IMPG1: variants seen among roughly 807,000 people sequenced by gnomAD.
IMPG1 encodes the protein interphotoreceptor matrix proteoglycan 1, also known as interphotoreceptor matrix proteoglycan of 150 kDa.
A neutral mutation model predicts 92.0 loss-of-function variants in IMPG1; 85 were observed. The ratio of observed to expected loss-of-function variants is 0.92; its 90% CI spans 0.78 to 1.11. IMPG1 has a LOEUF of 1.11. Among genes scored for constraint, IMPG1 ranks in the 50% least tolerant of loss-of-function variants. The pLI, the probability that IMPG1 is intolerant of heterozygous loss-of-function variation, is 0.00. For missense variants in IMPG1, 1,022 were observed against 956.0 expected (o/e 1.07, Z -0.91); for synonymous variants, 367 against 334.1 (o/e 1.10, Z -1.08).
chr6:76,034,486 T>G, intron 3 of IMPG1, 135 bp downstream of exon 3: 2 of 1,217,402 alleles, frequency 1.6e-6, no homozygotes, highest in Non-Finnish European at 2.4e-6. Context: ...AAATTTCTAT[T>G]GGCCTAATCA....
intron 12 of IMPG1, among the ~76,000 whole-genome samples, chr6:75,979,885 G>C (rs776196737): frequency 3.9e-5 from 6 of 152,194 alleles, no homozygotes; most frequent in African/African-American, 7.2e-5. Context: ...AGGCCTTTGT[G>C]AGGCTAATGC....
At chr6:75,949,233 G>A (rs1370562806) in intron 13 of IMPG1, among the ~76,000 whole-genome samples, 1 of 152,162 alleles carries the variant, frequency 6.6e-6, no homozygotes, top group Non-Finnish European at 1.5e-5. Flanking sequence ...TAAGTCACAG[G>A]ATGAGAAAGG....
At chr6:75,950,427 G>A (rs776498031) in intron 13 of IMPG1, 135 bp downstream of exon 13, 102 of 728,006 alleles carry the variant, frequency 1.4e-4, no homozygotes, top group Non-Finnish European at 2.1e-4. Flanking sequence ...CTAGTTGAAT[G>A]TCTTCAGCAA....
At chr6:76,017,093 C>T (rs1463083948) in intron 7 of IMPG1, among the ~76,000 whole-genome samples, 3 of 149,578 alleles carry the variant, frequency 2.0e-5, no homozygotes, top group African/African-American at 7.4e-5. Context: ...GCAGACAGCA[C>T]ATGTAAAGGC....
intron 12 of IMPG1, among the ~76,000 whole-genome samples, chr6:75,955,347 T>A (rs1386322236): frequency 6.6e-6 from 1 of 152,208 alleles, no homozygotes; most frequent in Non-Finnish European, 1.5e-5. Flanking sequence ...TAAATTGTAT[T>A]CCTAGGTATT....
At chr6:75,925,874 C>T (rs554429962) in intron 15 of IMPG1, among the ~76,000 whole-genome samples, 28 of 152,254 alleles carry the variant, frequency 1.8e-4, no homozygotes, top group Admixed American at 1.0e-3. Flanking sequence ...CCATGTTGGC[C>T]AGGATGGTCT....
intron 12 of IMPG1, among the ~76,000 whole-genome samples, chr6:75,960,996 G>A (rs1008755938): frequency 1.3e-5 from 2 of 152,144 alleles, no homozygotes; most frequent in Non-Finnish European, 2.9e-5. Flanking sequence ...CTGTCCAAAG[G>A]CAAGGCCACA....
intron 12 of IMPG1, among the ~76,000 whole-genome samples, chr6:75,976,640 G>A (rs542593353): frequency 3.9e-5 from 6 of 152,236 alleles, no homozygotes; most frequent in African/African-American, 9.6e-5. Flanking sequence ...GGCCAGGTGC[G>A]GTGTCTCATG....
rs200194885 is a variant in IMPG1 at position 76,034,757 on chromosome 6, C to G, written c.332G>C (p.Arg111Pro). 1.2e-6 allele frequency: 2 copies of G among 1,614,036 alleles called. No individual in the cohort carries two copies. The highest frequency in any genetic ancestry group is 2.2e-5 in the South Asian group (2 of 91,078). The change falls in exon 3 of 17, where the codon CGG becomes CCG. Residue 111 changes from arginine to proline, a missense_variant. Around this residue, in one of 3 missense-constraint regions of IMPG1, gnomAD observed 681 missense variants for 583.6 expected, o/e 1.17. Coordinates refer to ENST00000369950, the MANE Select transcript of IMPG1 (RefSeq NM_001563.4). ...VCQEAVWEAY[R>P]IFLDRIPDTG... ...GTCAGGGATGCGATCCAGAAAGATC[C>G]GATATGCTTCCCATACTGCTTCCTG...
intron 4 of IMPG1, among the ~76,000 whole-genome samples, chr6:76,029,064 T>C (rs2149486210): frequency 6.6e-6 from 1 of 152,366 alleles, no homozygotes; most frequent in Non-Finnish European, 1.5e-5. Context: ...AAGGAGTCAA[T>C]CTCAACTTAC....
intron 14 of IMPG1, among the ~76,000 whole-genome samples, chr6:75,942,134 A>G (rs1781845316): frequency 6.6e-6 from 1 of 152,198 alleles, no homozygotes; most frequent in Admixed American, 6.5e-5. Flanking sequence ...AAACATTGAA[A>G]TGATAGGATG....
rs1193133824 is a variant in IMPG1 at position 75,950,756 on chromosome 6, C to G, written c.1630G>C (p.Asp544His). The change falls in exon 13 of 17, where the codon GAT becomes CAT. Residue 544 changes from aspartate to histidine, a missense_variant. By Grantham distance (81) the Asp-to-His change is moderately conservative (BLOSUM62 -1). This residue lies in a region of IMPG1 where 332 missense variants were observed against 346.2 expected (regional missense o/e 0.96). Coordinates refer to ENST00000369950, the MANE Select transcript of IMPG1 (RefSeq NM_001563.4). ...PELSEYVSVP[D>H]HFLEDTTPVS... is the part of the protein sequence containing the mutation. ...GGAGTGGTATCCTCCAAGAAATGAT[C>G]TGGGACAGAAACATATTCGCTGAGC... 3 of 1,613,858 alleles carry G rather than the reference C, an allele frequency of 1.9e-6. No individual in the cohort carries two copies. In the African/African-American group the frequency reaches 4.0e-5, roughly 22 times the overall value.
intron 8 of IMPG1, among the ~76,000 whole-genome samples, chr6:76,009,471 C>A (rs1268078236): frequency 1.3e-5 from 2 of 152,180 alleles, no homozygotes; most frequent in African/African-American, 4.8e-5. Context: ...CACAAAAAAG[C>A]AATTTCCTTA....
chr6:76,028,714 C>T (rs930222109), intron 4 of IMPG1, among the ~76,000 whole-genome samples: 1 of 152,098 alleles, frequency 6.6e-6, no homozygotes, highest in Non-Finnish European at 1.5e-5. Context: ...CCTGTAGTCC[C>T]AGCTACTCAG....
intron 12 of IMPG1, among the ~76,000 whole-genome samples, chr6:75,993,985 G>A (rs1360132318): frequency 1.3e-5 from 2 of 152,216 alleles, no homozygotes; most frequent in East Asian, 3.9e-4. Flanking sequence ...CATGGTGCAA[G>A]CCTCTCCTCC....
At chr6:76,025,138 C>A in intron 5 of IMPG1, 56 bp downstream of exon 5, 1 of 948,298 alleles carries the variant, frequency 1.1e-6, no homozygotes, top group Non-Finnish European at 1.7e-6. Context: ...AAATAACATG[C>A]TATCATGATG....
chr6:75,998,110 A>G (rs771288395), intron 12 of IMPG1, among the ~76,000 whole-genome samples: 1 of 152,224 alleles, frequency 6.6e-6, no homozygotes, highest in Non-Finnish European at 1.5e-5. Context: ...GGCAATGGTG[A>G]GTGGTGTGAC....
At chr6:76,009,599 T>A (rs1474582487) in intron 8 of IMPG1, among the ~76,000 whole-genome samples, 1 of 152,224 alleles carries the variant, frequency 6.6e-6, no homozygotes, top group Non-Finnish European at 1.5e-5. Context: ...GTGGACTAAA[T>A]CTTCATGTCA....
At chr6:76,060,674 C>T (rs1034214931) in intron 1 of IMPG1, among the ~76,000 whole-genome samples, 3 of 152,164 alleles carry the variant, frequency 2.0e-5, no homozygotes, top group African/African-American at 7.2e-5. Flanking sequence ...TTAAAACTCA[C>T]ATTTTGGTCA....
Sources: allele counts gnomAD v4.1 joint callset (sites outside exome capture counted in the v4.1 genomes callset), GRCh38; gene constraint gnomAD v4.1.1; regional missense constraint gnomAD v4.1.1; transcripts MANE v1.5; gene names NCBI Gene and HGNC (gene_info 2026-07-23, HGNC 2026-07-21).